The following TC2N variants were observed in gnomAD, a reference collection of about 807,000 sequenced individuals.
TC2N encodes the protein tandem C2 domains nuclear protein.
In TC2N, 51 loss-of-function variants were observed where a neutral mutation model predicts 61.9. The ratio of observed to expected loss-of-function variants is 0.82; its 90% CI spans 0.66 to 1.04. The LOEUF is 1.04. Ranked by LOEUF, TC2N falls within the 50% of genes least tolerant of loss-of-function variation. The pLI, the probability that TC2N is intolerant of heterozygous loss-of-function variation, is 0.00. For synonymous variants in TC2N, 204 were observed against 192.6 expected, an observed-to-expected ratio of 1.06 and a Z score of -0.49; for missense variants, 556 against 566.7, an observed-to-expected ratio of 0.98 and a Z score of 0.19.
chr14:91,852,169 T>C (rs934059472), intron 1 of TC2N, among the ~76,000 whole-genome samples: 1 of 152,362 alleles, frequency 6.6e-6, no homozygotes, highest in East Asian at 1.9e-4. Flanking sequence ...GGCTCACGCC[T>C]GTAATCCCAG....
At chr14:91,831,775 G>A (rs903883560) in intron 1 of TC2N, among the ~76,000 whole-genome samples, 1 of 152,156 alleles carries the variant, frequency 6.6e-6, no homozygotes, top group Non-Finnish European at 1.5e-5. Context: ...CTTTTTTAGA[G>A]TAGTTTTAGA....
At chr14:91,836,688 C>CCCGCGTACCTGAGCCGCGCTGCG (rs1294948458) in intron 1 of TC2N, among the ~76,000 whole-genome samples, 1 of 93,744 alleles carries the variant, frequency 1.1e-5, no homozygotes, top group African/African-American at 3.4e-5. Context: ...GGCGGGGCCT[C>CCCGCGTACCTGAGCCGCGCTGCG]CCGCGTACCT....
intron 1 of TC2N, among the ~76,000 whole-genome samples, chr14:91,849,319 A>G (rs1308893542): frequency 1.3e-5 from 2 of 149,392 alleles, no homozygotes; most frequent in Non-Finnish European, 3.0e-5. Context: ...CTGTAACTAG[A>G]AAAAAAAAAC....
At chr14:91,864,433 A>G (rs1214182698) in intron 1 of TC2N, among the ~76,000 whole-genome samples, 1 of 152,196 alleles carries the variant, frequency 6.6e-6, no homozygotes, top group Non-Finnish European at 1.5e-5. Flanking sequence ...CAAATAAAAC[A>G]ATCCACACTC....
chr14:91,808,748 C>T (rs1193860986), intron 3 of TC2N, among the ~76,000 whole-genome samples: 1 of 152,054 alleles, frequency 6.6e-6, no homozygotes, highest in African/African-American at 2.4e-5. Flanking sequence ...AAAACTATCA[C>T]ATATTTCCAG....
chr14:91,791,438 A>G (rs1027773769), intron 9 of TC2N, among the ~76,000 whole-genome samples: 7 of 152,310 alleles, frequency 4.6e-5, no homozygotes, highest in African/African-American at 1.7e-4. Flanking sequence ...GACCTTACAA[A>G]AGCTTAAGAC....
chr14:91,787,866 G>C lies in TC2N; in HGVS notation c.1048-239C>G, dbSNP rs563164091. Reference sequence around the variant, plus strand: ...TATGTACTGAAACTTCAAAATCTGTGACACCTAGAGCCAATTCAAATTAAA... The same window carrying C: ...TATGTACTGAAACTTCAAAATCTGTCACACCTAGAGCCAATTCAAATTAAA... On this transcript the variant is annotated intron_variant, in intron 9 of 11. Transcript: ENST00000435962. 2.0e-5 allele frequency among the ~76,000 whole-genome samples: 3 copies of C among 152,044 alleles called. No individual in the cohort carries two copies. In the East Asian group the frequency reaches 5.8e-4, roughly 29 times the overall value.
At chr14:91,789,125 TATG>T (rs1291015618) in intron 9 of TC2N, among the ~76,000 whole-genome samples, 1 of 152,202 alleles carries the variant, frequency 6.6e-6, no homozygotes, top group African/African-American at 2.4e-5. Flanking sequence ...TAATAACACT[TATG>T]AAAACACGTA....
intron 8 of TC2N, among the ~76,000 whole-genome samples, 155 bp from the exon 9 acceptor site, chr14:91,792,713 C>A (rs1316327441): frequency 2.0e-5 from 3 of 152,056 alleles, no homozygotes; most frequent in Admixed American, 6.5e-5. Flanking sequence ...ATGGCAATGA[C>A]TTGTTTTTCT....
chr14:91,804,715 T>C (rs1297891373), intron 3 of TC2N, among the ~76,000 whole-genome samples: 1 of 152,084 alleles, frequency 6.6e-6, no homozygotes, highest in Non-Finnish European at 1.5e-5. Flanking sequence ...AAAATTAAAC[T>C]ACAATATTCA....
At chr14:91,848,614 C>A (rs1456231290) in intron 1 of TC2N, among the ~76,000 whole-genome samples, 1 of 152,156 alleles carries the variant, frequency 6.6e-6, no homozygotes, top group Admixed American at 6.5e-5. Flanking sequence ...GGGTTGGTGT[C>A]ATTATTTTTC....
At chr14:91,783,277 G>A in intron 11 of TC2N, 67 bp from the exon 12 acceptor site, 1 of 853,444 alleles carries the variant, frequency 1.2e-6, no homozygotes, top group South Asian at 1.8e-5. Context: ...CAGACAGTTA[G>A]TTACTCTTAC....
intron 3 of TC2N, among the ~76,000 whole-genome samples, chr14:91,807,614 A>G (rs1408749591): frequency 6.6e-6 from 1 of 152,198 alleles, no homozygotes; most frequent in Non-Finnish European, 1.5e-5. Flanking sequence ...GGGTGTATTT[A>G]TCCAATGTCT....
chr14:91,856,263 C>T (rs961355250), intron 1 of TC2N, among the ~76,000 whole-genome samples: 1 of 151,950 alleles, frequency 6.6e-6, no homozygotes, highest in African/African-American at 2.4e-5. Flanking sequence ...CAGAGGTGGG[C>T]GAATCACTTG....
At chr14:91,786,368 G>C (rs7149130) in intron 10 of TC2N, among the ~76,000 whole-genome samples, 5 of 152,118 alleles carry the variant, frequency 3.3e-5, no homozygotes, top group African/African-American at 1.2e-4. Flanking sequence ...TTCTGTTTTA[G>C]TATCAAGAAT....
At chr14:91,843,838 T>A (rs1888210224) in intron 1 of TC2N, among the ~76,000 whole-genome samples, 1 of 152,200 alleles carries the variant, frequency 6.6e-6, no homozygotes, top group Admixed American at 6.5e-5. Flanking sequence ...AGTCTCTCTA[T>A]GAATTAGAAG....
chr14:91,850,584 A>G (rs1197184552), intron 1 of TC2N, among the ~76,000 whole-genome samples: 1 of 152,208 alleles, frequency 6.6e-6, no homozygotes, highest in Non-Finnish European at 1.5e-5. Context: ...ATAGGAGCAC[A>G]AACCTTACTG....
chr14:91,842,673 G>A (rs867453175), intron 1 of TC2N, among the ~76,000 whole-genome samples: 34 of 152,256 alleles, frequency 2.2e-4, no homozygotes, highest in African/African-American at 7.2e-4. Context: ...ATAACCAAAC[G>A]GTTGCCTGAT....
intron 1 of TC2N, among the ~76,000 whole-genome samples, chr14:91,832,895 G>A (rs954948469): frequency 2.6e-5 from 4 of 152,050 alleles, no homozygotes; most frequent in East Asian, 1.9e-4. Flanking sequence ...AATTATGCGC[G>A]GCAATAAAAA....
Sources: gnomAD v4.1 joint callset for allele counts (sites outside exome capture counted in the v4.1 genomes callset) on GRCh38, gnomAD v4.1.1 for gene constraint, MANE v1.5 for transcripts, NCBI Gene and HGNC (gene_info 2026-07-23, HGNC 2026-07-21) for gene names.